Variants in DAB1 observed in about 807,000 individuals in gnomAD.
The protein encoded by DAB1 is disabled homolog 1.
Under a neutral mutation model 64.6 loss-of-function variants are expected in DAB1, and 15 were observed. The ratio of observed to expected loss-of-function variants is 0.23; its 90% CI spans 0.16 to 0.36. DAB1 has a LOEUF of 0.36. Among genes scored for constraint, DAB1 ranks in the 10% least tolerant of loss-of-function variants. The pLI is 1.00. For synonymous variants in DAB1, 235 were observed against 251.9 expected, an observed-to-expected ratio of 0.93 and a Z score of 0.64; for missense variants, 596 against 706.7, an observed-to-expected ratio of 0.84 and a Z score of 1.78.
At chr1:58,197,511 C>G (rs1657748625) in intron 4 of DAB1, among the ~76,000 whole-genome samples, 1 of 151,698 alleles carries the variant, frequency 6.6e-6, no homozygotes, top group African/African-American at 2.4e-5. Flanking sequence ...CCTGCCTCAG[C>G]CTCCCGAGTG....
chr1:58,123,742 G>T (rs945226782), intron 5 of DAB1, among the ~76,000 whole-genome samples: 1 of 152,114 alleles, frequency 6.6e-6, no homozygotes, highest in African/African-American at 2.4e-5. Flanking sequence ...AAATTTGACT[G>T]ATCGATTTGT....
At chr1:58,122,082 G>A (rs1218450681) in intron 5 of DAB1, among the ~76,000 whole-genome samples, 1 of 152,162 alleles carries the variant, frequency 6.6e-6, no homozygotes, top group East Asian at 1.9e-4. Flanking sequence ...ATCATGCTCT[G>A]AGGCCTGGGA....
chr1:57,145,529 T>C (rs539566915), intron 2 of DAB1, 100 bp from the exon 3 acceptor site: 5 of 1,267,608 alleles, frequency 3.9e-6, no homozygotes, highest in Non-Finnish European at 5.5e-6. Flanking sequence ...TCATCTACAT[T>C]CCCGGAAAGT....
intron 2 of DAB1, among the ~76,000 whole-genome samples, chr1:57,247,736 T>C (rs1030237952): frequency 3.9e-5 from 6 of 152,176 alleles, no homozygotes; most frequent in Non-Finnish European, 7.3e-5. Flanking sequence ...CCACATAATA[T>C]AAGTAGAAGT....
intron 1 of DAB1, among the ~76,000 whole-genome samples, chr1:57,370,659 A>G (rs756306758): frequency 2.0e-5 from 3 of 151,838 alleles, no homozygotes; most frequent in Non-Finnish European, 4.4e-5. Context: ...TCATCTCCCA[A>G]TAACTTATAG....
intron 2 of DAB1, among the ~76,000 whole-genome samples, chr1:57,188,974 T>C (rs1388604118): frequency 5.3e-5 from 8 of 152,104 alleles, no homozygotes; most frequent in Non-Finnish European, 1.0e-4. Flanking sequence ...CAAAAAAAAG[T>C]TCGGTCATTT....
At chr1:58,248,832 A>C (rs192432891) in intron 4 of DAB1, among the ~76,000 whole-genome samples, 2 of 152,284 alleles carry the variant, frequency 1.3e-5, no homozygotes, top group African/African-American at 4.8e-5. Flanking sequence ...AGAACTTCCC[A>C]GCCCTGGAAA....
intron 6 of DAB1, among the ~76,000 whole-genome samples, chr1:57,818,732 A>G (rs1651981847): frequency 6.6e-6 from 1 of 150,572 alleles, no homozygotes; most frequent in South Asian, 2.1e-4. Context: ...TCTGATTACT[A>G]AATCAAGTCT....
chr1:57,649,434 A>G (rs994593095), intron 7 of DAB1, among the ~76,000 whole-genome samples: 13 of 152,324 alleles, frequency 8.5e-5, no homozygotes, highest in Admixed American at 2.6e-4. Flanking sequence ...CGAAGCACCA[A>G]TTCCAAAGGC....
chr1:57,316,409 C>T (rs933483894), intron 1 of DAB1, among the ~76,000 whole-genome samples: 3 of 152,144 alleles, frequency 2.0e-5, no homozygotes, highest in African/African-American at 7.2e-5. Context: ...CATCCACCTT[C>T]CCCCTCAAAT....
At chr1:57,771,781 C>G (rs924346206) in intron 6 of DAB1, among the ~76,000 whole-genome samples, 1 of 152,058 alleles carries the variant, frequency 6.6e-6, no homozygotes, top group Non-Finnish European at 1.5e-5. Context: ...CACCAATGAT[C>G]TAATTTCAGT....
At chr1:57,273,701 C>T (rs1030696168) in intron 2 of DAB1, among the ~76,000 whole-genome samples, 13 of 149,728 alleles carry the variant, frequency 8.7e-5, no homozygotes, top group Non-Finnish European at 1.5e-4. Flanking sequence ...CTCCCCTAGC[C>T]GCCCCTGGCT....
intron 1 of DAB1, among the ~76,000 whole-genome samples, chr1:57,416,994 T>C (rs1570485258): frequency 1.3e-5 from 2 of 152,300 alleles, no homozygotes; most frequent in African/African-American, 4.8e-5. Flanking sequence ...ACCATTTCTT[T>C]TTATTATATA....
intron 1 of DAB1, among the ~76,000 whole-genome samples, chr1:57,410,282 G>A (rs1468519314): frequency 6.6e-6 from 1 of 152,156 alleles, no homozygotes; most frequent in Non-Finnish European, 1.5e-5. Context: ...AACAAAAACA[G>A]TGATGGTAGA....
chr1:58,291,693 A>G (rs1419636163), intron 4 of DAB1, among the ~76,000 whole-genome samples: 1 of 152,252 alleles, frequency 6.6e-6, no homozygotes, highest in Non-Finnish European at 1.5e-5. Context: ...TAGGAGCAGA[A>G]TGAGGTAAAC....
intron 2 of DAB1, among the ~76,000 whole-genome samples, chr1:57,172,003 C>T (rs774310362): frequency 8.6e-5 from 13 of 151,960 alleles, no homozygotes; most frequent in African/African-American, 2.4e-4. Flanking sequence ...AGACTGGGAG[C>T]GACACTGTTT....
chr1:57,942,163 C>T (rs1645115365), intron 5 of DAB1, among the ~76,000 whole-genome samples: 1 of 152,158 alleles, frequency 6.6e-6, no homozygotes, highest in African/African-American at 2.4e-5. Context: ...CCTGTCAAGG[C>T]ACACCCTTAT....
intron 2 of DAB1, among the ~76,000 whole-genome samples, chr1:57,160,310 A>G (rs1345130184): frequency 2.6e-5 from 4 of 152,198 alleles, no homozygotes; most frequent in Non-Finnish European, 1.5e-5. Flanking sequence ...CTAGCATGAC[A>G]TGCATTATTA....
At chr1:57,490,204 G>C (rs900966060) in intron 7 of DAB1, among the ~76,000 whole-genome samples, 1 of 152,014 alleles carries the variant, frequency 6.6e-6, no homozygotes, top group Non-Finnish European at 1.5e-5. Flanking sequence ...CTTGCTTGTG[G>C]TATTTCATTA....
Sources: gnomAD v4.1 joint callset for allele counts (sites outside exome capture counted in the v4.1 genomes callset) on GRCh38, gnomAD v4.1.1 for gene constraint, MANE v1.5 for transcripts, NCBI Gene and HGNC (gene_info 2026-07-23, HGNC 2026-07-21) for gene names.